Variants in MTPAP observed in about 807,000 individuals in gnomAD.
MTPAP encodes mitochondrial poly(A) polymerase.
In MTPAP, 23 loss-of-function variants were observed where a neutral mutation model predicts 48.7. That is an observed-to-expected ratio of 0.47 (90% CI 0.34 to 0.67). The LOEUF is 0.67. MTPAP is among the 30% of genes least tolerant of loss of function. The pLI, the probability that MTPAP is intolerant of heterozygous loss-of-function variation, is 0.01. For missense variants in MTPAP, 614 were observed against 694.3 expected (o/e 0.88, Z 1.30); for synonymous variants, 257 against 254.1 (o/e 1.01, Z -0.11).
rs1840600790 is a variant in MTPAP at position 30,312,148 on chromosome 10, A to G, written c.*1461T>C. The G allele has an allele frequency of 6.6e-6, 1 of 152,322 alleles. No homozygotes were observed. The highest frequency in any genetic ancestry group is 2.1e-4 in the South Asian group (1 of 4,832). 9.4% of individuals were successfully genotyped at this position (152,322 alleles called of 1,614,324 possible). ...AAAACTCCGTCTCAGAAACAAAACG[A>G]AACAAAGCAAAAAAGTTGCTCCACA... On this transcript the variant is annotated 3_prime_UTR_variant, in exon 9 of 9. Coordinates refer to ENST00000263063, the MANE Select transcript of MTPAP (RefSeq NM_018109.4).
chr10:30,325,280 A>T (rs1012076525), intron 5 of MTPAP, among the ~76,000 whole-genome samples: 7 of 152,352 alleles, frequency 4.6e-5, no homozygotes, highest in African/African-American at 1.7e-4. Flanking sequence ...CTTGAGAGAA[A>T]GTCGCAAGTA....
Position 30,341,710 on chromosome 10 carries a change from G to A in MTPAP, c.158-70C>T, listed in dbSNP as rs1834809788. 1.9e-6 allele frequency: 3 copies of A among 1,549,484 alleles called. No individual in the cohort carries two copies. The Admixed American group carries it at 5.0e-5, about 26-fold the overall frequency. On this transcript the variant is annotated intron_variant, in intron 1 of 8. Coordinates refer to ENST00000263063, the MANE Select transcript of MTPAP (RefSeq NM_018109.4). Reference sequence around the variant, plus strand: ...AATTTTAAAAATATTTTGATAAGGTGTTTAAAGACTTCATATATGACTAAA... The same window carrying A: ...AATTTTAAAAATATTTTGATAAGGTATTTAAAGACTTCATATATGACTAAA...
intron 1 of MTPAP, 47 bp from the exon 2 acceptor site, chr10:30,341,687 T>C: frequency 6.2e-7 from 1 of 1,604,082 alleles, no homozygotes; most frequent in Admixed American, 1.7e-5. Flanking sequence ...ACACACAAAA[T>C]TTTAAAAATA....
At chr10:30,324,162 A>G (rs1409375438) in intron 5 of MTPAP, among the ~76,000 whole-genome samples, 1 of 152,140 alleles carries the variant, frequency 6.6e-6, no homozygotes. Context: ...AGTCTTGGCG[A>G]CAGAGTAAGG....
chr10:30,316,649 G>C (rs2132844831), intron 6 of MTPAP, among the ~76,000 whole-genome samples: 2 of 151,058 alleles, frequency 1.3e-5, no homozygotes, highest in Middle Eastern at 3.4e-3. Context: ...CAGAACTTTG[G>C]AAGGCTGAGG....
At chr10:30,315,850 T>C in intron 8 of MTPAP, 113 bp downstream of exon 8, 2 of 1,193,568 alleles carry the variant, frequency 1.7e-6, no homozygotes, top group Non-Finnish European at 2.3e-6. Context: ...TACTACAAAT[T>C]ACTACACAAA....
chr10:30,315,510 A>AAAAAAC (rs1554817032), intron 8 of MTPAP, among the ~76,000 whole-genome samples: 3 of 147,246 alleles, frequency 2.0e-5, no homozygotes, highest in African/African-American at 7.4e-5. Context: ...CTCAAAAAAA[A>AAAAAAC]AAAACAAAAC....
chr10:30,335,064 G>C (rs1477018280), intron 4 of MTPAP, among the ~76,000 whole-genome samples: 1 of 152,200 alleles, frequency 6.6e-6, no homozygotes, highest in Non-Finnish European at 1.5e-5. Context: ...TTTGTGGGAA[G>C]ATGAATATAA....
At chr10:30,322,726 G>A in intron 5 of MTPAP, 109 bp from the exon 6 acceptor site, 2 of 775,372 alleles carry the variant, frequency 2.6e-6, no homozygotes, top group Non-Finnish European at 2.2e-6. Flanking sequence ...ATATCTGAAT[G>A]TATTCAGAAC....
intron 6 of MTPAP, among the ~76,000 whole-genome samples, chr10:30,320,320 T>G (rs1229136388): frequency 6.6e-6 from 1 of 152,074 alleles, no homozygotes; most frequent in Non-Finnish European, 1.5e-5. Flanking sequence ...CTGAGCCCAG[T>G]TCAAGTCCAG....
chr10:30,328,635 C>T (rs988894623), intron 4 of MTPAP, among the ~76,000 whole-genome samples: 45 of 152,144 alleles, frequency 3.0e-4, no homozygotes, highest in East Asian at 2.5e-3. Flanking sequence ...ACATCTACCC[C>T]CTTCCTTTCA....
Position 30,346,983 on chromosome 10 carries a change from C to T in MTPAP, c.157+2136G>A, listed in dbSNP as rs144221831. Among the ~76,000 whole-genome samples, 1,474 of 152,304 alleles carry T rather than the reference C, an allele frequency of 9.7e-3. 19 individuals are homozygous for T. Among genetic ancestry groups the T allele is most frequent in the African/African-American group, 0.032 (1,337 of 41,552 alleles). ...AGCTAAGGAAAATGAAAATATCTCACACTGACCACGTCAAACCAATTGACC... is the reference window on the plus strand; with the variant it reads ...AGCTAAGGAAAATGAAAATATCTCATACTGACCACGTCAAACCAATTGACC... On this transcript the variant is annotated intron_variant, in intron 1 of 8. Transcript: ENST00000263063.
rs552336586 is a variant in MTPAP at position 30,339,656 on chromosome 10, G to A, written c.555+570C>T. The stretch of plus-strand genomic sequence containing the variant: ...CCTGTAAGTACAAATGGGGCATGGC[G>A]GGGAAGGAGCAGACAAGGATTACTA... On this transcript the variant is annotated intron_variant, in intron 3 of 8. Coordinates refer to ENST00000263063, the MANE Select transcript of MTPAP (RefSeq NM_018109.4). Among the ~76,000 whole-genome samples, 3 of 152,250 alleles carry A rather than the reference G, an allele frequency of 2.0e-5. No individual in the cohort carries two copies. The South Asian group carries it at 6.2e-4, about 32-fold the overall frequency.
At chr10:30,327,085 G>A (rs768888893) in intron 4 of MTPAP, among the ~76,000 whole-genome samples, 7 of 152,114 alleles carry the variant, frequency 4.6e-5, no homozygotes, top group Non-Finnish European at 8.8e-5. Context: ...GTGTAAACAG[G>A]CTTGTACATA....
chr10:30,334,095 TC>T (rs1474543062), intron 4 of MTPAP, among the ~76,000 whole-genome samples: 1 of 151,998 alleles, frequency 6.6e-6, no homozygotes, highest in Non-Finnish European at 1.5e-5. Flanking sequence ...GATACATACA[TC>T]AGCTACTCAC....
intron 6 of MTPAP, among the ~76,000 whole-genome samples, chr10:30,319,922 C>T (rs1046882255): frequency 1.1e-4 from 16 of 152,062 alleles, no homozygotes; most frequent in Non-Finnish European, 1.9e-4. Context: ...GCTAGTTTTG[C>T]CTGTTTTGAT....
In MTPAP at chr10:30,313,564, C is replaced by T. The variant is rs942207515; in HGVS notation, c.*45G>A. ...CAGTTTTTCCAAGTAAGTCCACAGA[C>T]CATTTGATAGGCTAAGCCCAGTTCT... On this transcript the variant is annotated 3_prime_UTR_variant, in exon 9 of 9. Coordinates refer to ENST00000263063, the MANE Select transcript of MTPAP (RefSeq NM_018109.4). 5 of 1,612,532 alleles carry T rather than the reference C, an allele frequency of 3.1e-6. No homozygotes were observed. The highest frequency in any genetic ancestry group is 4.2e-6 in the Non-Finnish European group (5 of 1,179,062).
intron 6 of MTPAP, among the ~76,000 whole-genome samples, chr10:30,320,769 T>A (rs1840715486): frequency 6.6e-6 from 1 of 152,184 alleles, no homozygotes; most frequent in African/African-American, 2.4e-5. Context: ...CTTGTAAGAC[T>A]GAAGGGAGCA....
At position 30,313,344 on chromosome 10, in the gene MTPAP, C is replaced by T. The variant is rs763601028; in HGVS notation, c.*265G>A. 5 of 455,540 alleles carry T rather than the reference C, an allele frequency of 1.1e-5. No individual in the cohort carries two copies. Among genetic ancestry groups the T allele is most frequent in the Non-Finnish European group, 2.0e-5 (5 of 252,548 alleles). The allele number at this position is 455,540 out of a possible 1,614,324, so 28.2% of individuals were successfully genotyped here. On this transcript the variant is annotated 3_prime_UTR_variant, in exon 9 of 9. Coordinates refer to ENST00000263063, the MANE Select transcript of MTPAP (RefSeq NM_018109.4). ...TCCTGGGCTCAAGAGATCCTCCTGC[C>T]TCAGCCTCCTGAGCAGCTGGGACTA... is the stretch of plus-strand genomic sequence containing the variant.
Sources: gnomAD v4.1 joint callset for allele counts (sites outside exome capture counted in the v4.1 genomes callset) on GRCh38, gnomAD v4.1.1 for gene constraint, MANE v1.5 for transcripts, NCBI Gene and HGNC (gene_info 2026-07-23, HGNC 2026-07-21) for gene names.